The following RTN4 variants were observed in gnomAD, a reference collection of about 807,000 sequenced individuals.
The protein encoded by RTN4 is reticulon 4.
Under a neutral mutation model 90.4 loss-of-function variants are expected in RTN4, and 32 were observed. That is an observed-to-expected ratio of 0.35 (90% CI 0.27 to 0.48). RTN4 has a LOEUF of 0.48. RTN4 is among the 20% of genes least tolerant of loss of function. RTN4 has a pLI of 0.99. For missense variants in RTN4, 1,706 were observed against 1,430.2 expected (o/e 1.19, Z -3.11); for synonymous variants, 629 against 552.5 (o/e 1.14, Z -1.94).
At position 55,096,412 on chromosome 2, in the gene RTN4, T is replaced by G. The variant is rs539752930; in HGVS notation, c.-213-15773A>C. On this transcript the variant is annotated intron_variant, in intron 1 of 3. Coordinates refer to the RTN4 transcript ENST00000427710. ...TCTCTTGGCTGAGCTTCCAAGTGAT[T>G]TTTGATTCCTCATTCTCCCATCCCT... Among the ~76,000 whole-genome samples the G allele has an allele frequency of 3.3e-5, 5 of 152,238 alleles. No homozygotes were observed. The East Asian group carries it at 9.6e-4, about 29-fold the overall frequency.
chr2:55,036,511 A>G (rs1682692555), intron 1 of RTN4, among the ~76,000 whole-genome samples: 1 of 151,372 alleles, frequency 6.6e-6, no homozygotes, highest in Non-Finnish European at 1.5e-5. Context: ...CTGAGGCACA[A>G]GAAACGCTTG....
intron 4 of RTN4, among the ~76,000 whole-genome samples, chr2:54,987,144 T>C (rs1300092724): frequency 6.6e-6 from 1 of 152,124 alleles, no homozygotes; most frequent in African/African-American, 2.4e-5. Flanking sequence ...AAGCACGTTA[T>C]CAGACAGCAT....
At chr2:55,125,863 C>A in the RTN4 span, among the ~76,000 whole-genome samples, 6 of 149,882 alleles carry the variant, frequency 4.0e-5, no homozygotes, top group Admixed American at 2.0e-4. Flanking sequence ...AGATCAAGAC[C>A]ATCCTGGCTA....
chr2:55,044,234 A>T (rs1034760502), intron 1 of RTN4, among the ~76,000 whole-genome samples: 1 of 152,068 alleles, frequency 6.6e-6, no homozygotes, highest in Non-Finnish European at 1.5e-5. Context: ...TTTTTAAAAA[A>T]TTTTAAAAAT....
At chr2:54,987,014 T>A (rs1678616679) in intron 4 of RTN4, among the ~76,000 whole-genome samples, 2 of 151,076 alleles carry the variant, frequency 1.3e-5, no homozygotes. Context: ...GAAATAAAGC[T>A]CTCCAAAAAA....
At chr2:55,111,524 T>C (rs913080851) in intron 1 of RTN4, among the ~76,000 whole-genome samples, 14 of 152,190 alleles carry the variant, frequency 9.2e-5, no homozygotes, top group African/African-American at 3.4e-4. Context: ...CTAGTGTTTG[T>C]GGGAGCAGAG....
intron 3 of RTN4, among the ~76,000 whole-genome samples, chr2:54,998,538 A>G (rs750875603): frequency 6.6e-6 from 1 of 152,206 alleles, no homozygotes; most frequent in African/African-American, 2.4e-5. Flanking sequence ...AGATGTCTAC[A>G]TTTATTAAAT....
intron 1 of RTN4, among the ~76,000 whole-genome samples, chr2:55,099,153 C>A (rs1261909326): frequency 6.6e-6 from 1 of 152,028 alleles, no homozygotes; most frequent in Non-Finnish European, 1.5e-5. Flanking sequence ...TCACCTCATG[C>A]ACTATTTAGT....
At position 54,972,850 on chromosome 2, in the gene RTN4, A is replaced by C. The variant is rs1677205733; in HGVS notation, c.*306T>G. ...CTCTGCAACTTGCCAAGATGCGGCA[A>C]GACTATCTGCAACAAAGTAAAATAT... On this transcript the variant is annotated 3_prime_UTR_variant, in exon 9 of 9. Coordinates refer to ENST00000337526, the MANE Select transcript of RTN4 (RefSeq NM_020532.5). 3.7e-6 allele frequency: 1 copy of C among 267,586 alleles called. No homozygotes were observed. The highest frequency in any genetic ancestry group is 6.9e-6 in the Non-Finnish European group (1 of 144,002). 16.6% of individuals were successfully genotyped at this position (267,586 alleles called of 1,614,324 possible). A position where few individuals can be genotyped will look rare whatever the true frequency, so the allele number is the denominator to read the frequency against.
intron 1 of RTN4, among the ~76,000 whole-genome samples, chr2:55,092,148 C>T (rs1280947216): frequency 6.7e-6 from 1 of 149,774 alleles, no homozygotes; most frequent in Non-Finnish European, 1.5e-5. Context: ...TGAGATGGCA[C>T]CACTGCACTC....
chr2:55,088,803 GT>G lies in RTN4; in HGVS notation c.-213-8165del, dbSNP rs1214283104. On this transcript the variant is annotated intron_variant, in intron 1 of 3. Transcript: ENST00000427710. Reference sequence around the variant, plus strand: ...AGAAAAGGAGAGAGGAGACTGAAAGGTGAAATTTATCCAACAGTGGGTTCAT... The same window carrying G: ...AGAAAAGGAGAGAGGAGACTGAAAGGGAAATTTATCCAACAGTGGGTTCAT... Among the ~76,000 whole-genome samples, 3 of 152,172 alleles carry G rather than the reference GT, an allele frequency of 2.0e-5. No individual in the cohort carries two copies. The South Asian group carries it at 6.2e-4, about 31-fold the overall frequency.
intron 2 of RTN4, 83 bp downstream of exon 2, chr2:55,028,081 C>A (rs1050013603): frequency 2.5e-6 from 3 of 1,190,940 alleles, no homozygotes; most frequent in African/African-American, 1.6e-5. Context: ...TTAGTAAACC[C>A]AAACTACTCT....
At chr2:54,986,863 AAG>A (rs1296025481) in intron 4 of RTN4, among the ~76,000 whole-genome samples, 8 of 152,174 alleles carry the variant, frequency 5.3e-5, no homozygotes, top group African/African-American at 1.2e-4. Context: ...TCAATTAAAA[AAG>A]AGGGGGAAAA....
the RTN4 span, among the ~76,000 whole-genome samples, chr2:55,137,256 TAAG>T: frequency 6.6e-6 from 1 of 152,020 alleles, no homozygotes; most frequent in Non-Finnish European, 1.5e-5. Flanking sequence ...AACTGGAGAC[TAAG>T]AGCAAAGAGG....
chr2:55,013,037 C>T (rs1680759494), intron 3 of RTN4, among the ~76,000 whole-genome samples: 1 of 152,268 alleles, frequency 6.6e-6, no homozygotes, highest in East Asian at 1.9e-4. Flanking sequence ...CATGTCTCAA[C>T]TTGCAGAATG....
intron 2 of RTN4, among the ~76,000 whole-genome samples, chr2:55,078,647 G>A (rs1668646924): frequency 6.6e-6 from 1 of 152,140 alleles, no homozygotes; most frequent in African/African-American, 2.4e-5. Context: ...CATATAAAAT[G>A]ACTCAAAAAT....
chr2:55,076,389 C>CTTTTT (rs58070912), intron 2 of RTN4, among the ~76,000 whole-genome samples: 5 of 64,640 alleles, frequency 7.7e-5, no homozygotes, highest in Admixed American at 2.4e-4. Flanking sequence ...TTCTTTTGTT[C>CTTTTT]TTTTTTTTTT....
intron 3 of RTN4, among the ~76,000 whole-genome samples, chr2:54,994,841 G>T (rs1052800266): frequency 6.6e-6 from 1 of 152,184 alleles, no homozygotes; most frequent in Admixed American, 6.5e-5. Context: ...TCTGGAAACT[G>T]CAACTTTAAG....
chr2:55,057,270 G>C (rs910949512), intron 2 of RTN4, among the ~76,000 whole-genome samples: 2 of 152,220 alleles, frequency 1.3e-5, no homozygotes, highest in African/African-American at 4.8e-5. Context: ...TATGATGTAT[G>C]CGGATTTTTT....
Sources: gnomAD v4.1 joint callset for allele counts (sites outside exome capture counted in the v4.1 genomes callset) on GRCh38, gnomAD v4.1.1 for gene constraint, MANE v1.5 for transcripts, NCBI Gene and HGNC (gene_info 2026-07-23, HGNC 2026-07-21) for gene names.